The following ULK2 variants were observed in gnomAD, a reference collection of about 807,000 sequenced individuals.
ULK2 encodes the protein serine/threonine-protein kinase ULK2.
A neutral mutation model predicts 127.5 loss-of-function variants in ULK2; 76 were observed. The observed-to-expected ratio is 0.60, with a 90% CI of 0.50 to 0.72. The LOEUF is 0.72. ULK2 is among the 30% of genes least tolerant of loss of function. The pLI, the probability that ULK2 is intolerant of heterozygous loss-of-function variation, is 0.00. For synonymous variants in ULK2, 452 were observed against 461.9 expected, an observed-to-expected ratio of 0.98 and a Z score of 0.28; for missense variants, 1,144 against 1,295.9, an observed-to-expected ratio of 0.88 and a Z score of 1.80.
Position 19,865,740 on chromosome 17 carries a change from A to G in ULK2, c.179T>C (p.Leu60Ser), listed in dbSNP as rs138845606. The change falls in exon 2 of 27, where the codon TTA (leucine) becomes TCA (serine). Residue 60 changes from leucine (L) to serine (S), a missense_variant. Physicochemically the swap from Leu to Ser is moderately radical, Grantham distance 145 (BLOSUM62 -2). Coordinates refer to ENST00000395544, the MANE Select transcript of ULK2 (RefSeq NM_014683.4). ...CTACTACATAAAGTAACATACCTTT[A>G]AGATTTTAATTTCCTTTCCAAGCAG... ...QILLGKEIKI[L>S]KELQHENIVA... 6.0e-6 allele frequency: 9 copies of G among 1,494,728 alleles called. No homozygotes were observed. Among genetic ancestry groups the G allele is most frequent in the Non-Finnish European group, 8.3e-6 (9 of 1,085,146 alleles). The allele number at this position is 1,494,728 out of a possible 1,614,324, so 92.6% of individuals were successfully genotyped here. A position where few individuals can be genotyped will look rare whatever the true frequency, so the allele number is the denominator to read the frequency against.
In ULK2 at chr17:19,782,080, C is replaced by T. The variant is rs2086931503; in HGVS notation, c.2461-13G>A. ...CTGTGTGTTCCCGCTGCAGCAAAGT[C>T]AATTTGTCTTAGAAAATTTCAGATT... is the stretch of plus-strand genomic sequence containing the variant. On this transcript the variant is annotated splice_polypyrimidine_tract_variant and intron_variant, in intron 22 of 26. Coordinates refer to ENST00000395544, the MANE Select transcript of ULK2 (RefSeq NM_014683.4). 1 of 1,611,696 alleles carries T rather than the reference C, an allele frequency of 6.2e-7. No homozygotes were observed. Among genetic ancestry groups the T allele is most frequent in the Admixed American group, 1.7e-5 (1 of 59,696 alleles).
chr17:19,786,102 T>C lies in ULK2; in HGVS notation c.2102-16A>G, dbSNP rs202156716. The C allele has an allele frequency of 2.4e-5, 37 of 1,557,672 alleles. No individual in the cohort carries two copies. The East Asian group carries it at 7.2e-4, about 30-fold the overall frequency. ...CCTGCCGGAGCTACAACAAAAAGTTTATAGAAGGTCATATTACCCTGATAG... is the reference window on the plus strand; with the variant it reads ...CCTGCCGGAGCTACAACAAAAAGTTCATAGAAGGTCATATTACCCTGATAG... On this transcript the variant is annotated splice_polypyrimidine_tract_variant and intron_variant, in intron 20 of 26. Transcript: ENST00000395544.
intron 6 of ULK2, among the ~76,000 whole-genome samples, chr17:19,845,990 T>C (rs892383017): frequency 5.3e-5 from 8 of 151,600 alleles, no homozygotes; most frequent in Non-Finnish European, 4.4e-5. Flanking sequence ...TGGTGGCACA[T>C]GCCAGCTACT....
chr17:19,781,189 T>G, intron 23 of ULK2, 85 bp from the exon 24 acceptor site: 1 of 1,073,678 alleles, frequency 9.3e-7, no homozygotes, highest in Non-Finnish European at 1.4e-6. Flanking sequence ...CCATTAAAAT[T>G]GCCTTTCTAT....
At chr17:19,855,549 G>C (rs1217720276) in intron 3 of ULK2, among the ~76,000 whole-genome samples, 1 of 142,474 alleles carries the variant, frequency 7.0e-6, no homozygotes, top group East Asian at 2.1e-4. Flanking sequence ...GTAGTGAGCC[G>C]AGACTGTGCC....
At chr17:19,807,212 T>C (rs150743256) in intron 14 of ULK2, among the ~76,000 whole-genome samples, 67 of 152,242 alleles carry the variant, frequency 4.4e-4, no homozygotes, top group Admixed American at 5.2e-4. Context: ...GGGAGCCAAG[T>C]GGAGATAACC....
intron 8 of ULK2, among the ~76,000 whole-genome samples, chr17:19,842,474 G>A (rs1236049528): frequency 6.6e-6 from 1 of 151,986 alleles, no homozygotes. Context: ...TGGGATTACA[G>A]GTGTGAGCCA....
At chr17:19,831,027 TAA>T (rs10658733) in intron 10 of ULK2, among the ~76,000 whole-genome samples, 4 of 136,918 alleles carry the variant, frequency 2.9e-5, no homozygotes, top group African/African-American at 8.2e-5. Context: ...ACTCCGTCGC[TAA>T]AAAAAAAAAA....
chr17:19,807,245 G>T (rs778649270), intron 14 of ULK2, among the ~76,000 whole-genome samples: 6 of 152,164 alleles, frequency 3.9e-5, no homozygotes, highest in Non-Finnish European at 8.8e-5. Context: ...AGAGACCCAA[G>T]CAGCATCAGA....
intron 26 of ULK2, among the ~76,000 whole-genome samples, chr17:19,777,077 G>GTATCTACC (rs1555549721): frequency 6.6e-6 from 1 of 151,978 alleles, no homozygotes; most frequent in East Asian, 1.9e-4. Context: ...ATCTATGTAT[G>GTATCTACC]TATCTACCTA....
At chr17:19,821,631 C>T (rs1156510560) in intron 12 of ULK2, among the ~76,000 whole-genome samples, 1 of 152,078 alleles carries the variant, frequency 6.6e-6, no homozygotes, top group Non-Finnish European at 1.5e-5. Flanking sequence ...CAAACCATAC[C>T]ATTTTCTAAT....
intron 13 of ULK2, among the ~76,000 whole-genome samples, chr17:19,815,573 G>A (rs181663774): frequency 7.2e-5 from 11 of 152,282 alleles, no homozygotes; most frequent in Non-Finnish European, 1.3e-4. Context: ...AAGCCACTGC[G>A]CCCAGCAACT....
intron 13 of ULK2, among the ~76,000 whole-genome samples, chr17:19,815,864 AAAAAAAG>A (rs1225484184): frequency 3.9e-5 from 6 of 152,164 alleles, no homozygotes; most frequent in Admixed American, 1.3e-4. Flanking sequence ...ACAAAATTTA[AAAAAAAG>A]AAAAAAGAAA....
chr17:19,863,402 A>T (rs1323727942), intron 3 of ULK2, among the ~76,000 whole-genome samples: 1 of 152,128 alleles, frequency 6.6e-6, no homozygotes, highest in Non-Finnish European at 1.5e-5. Context: ...CCCTGCAGTG[A>T]CAGTGGAGAA....
chr17:19,842,622 G>A (rs969478535), intron 8 of ULK2, among the ~76,000 whole-genome samples: 181 of 152,166 alleles, frequency 1.2e-3, no homozygotes, highest in African/African-American at 4.2e-3. Context: ...AGAAATCATC[G>A]TGATTATACT....
rs553476836 is a variant in ULK2, at chr17:19,858,480, A to C, written c.225+6323T>G. Among the ~76,000 whole-genome samples the C allele has an allele frequency of 1.4e-3, 206 of 152,318 alleles. 1 individual carries two copies. Among genetic ancestry groups the C allele is most frequent in the African/African-American group, 4.8e-3 (201 of 41,570 alleles). On this transcript the variant is annotated intron_variant, in intron 3 of 26. Transcript: ENST00000395544. ...ATCCTGTAAGAGTTCCACAATGACAAGGACCATTTCTACTTTGTTCACCAC... is the reference window on the plus strand; with the variant it reads ...ATCCTGTAAGAGTTCCACAATGACACGGACCATTTCTACTTTGTTCACCAC...
chr17:19,857,350 C>T (rs952802580), intron 3 of ULK2, among the ~76,000 whole-genome samples: 1 of 151,726 alleles, frequency 6.6e-6, no homozygotes, highest in Non-Finnish European at 1.5e-5. Flanking sequence ...CCTACTAGAG[C>T]TTCTGATACT....
At chr17:19,855,232 G>A (rs1313614426) in intron 3 of ULK2, among the ~76,000 whole-genome samples, 2 of 151,410 alleles carry the variant, frequency 1.3e-5, no homozygotes, top group Non-Finnish European at 2.9e-5. Flanking sequence ...GTGAAACCCC[G>A]TCTCTACTAA....
chr17:19,808,791 T>C (rs1164161539), intron 14 of ULK2, among the ~76,000 whole-genome samples: 1 of 152,232 alleles, frequency 6.6e-6, no homozygotes, highest in Non-Finnish European at 1.5e-5. Flanking sequence ...CTGGTGAGAA[T>C]GTGGAGAAAC....
Sources: allele counts gnomAD v4.1 joint callset (sites outside exome capture counted in the v4.1 genomes callset), GRCh38; gene constraint gnomAD v4.1.1; transcripts MANE v1.5; gene names NCBI Gene and HGNC (gene_info 2026-07-23, HGNC 2026-07-21).